RORA: variants seen among roughly 807,000 people sequenced by gnomAD.
The protein encoded by RORA is nuclear receptor ROR-alpha.
RORA carries 7 observed loss-of-function variants against 69.5 expected under a neutral mutation model. That is an observed-to-expected ratio of 0.10 (90% CI 0.06 to 0.19). The LOEUF (loss-of-function observed/expected upper bound fraction) is 0.19, where lower values mean the gene tolerates loss of function less well. Ranked by LOEUF, RORA falls within the 10% of genes least tolerant of loss-of-function variation. The probability of loss-of-function intolerance (pLI) is 1.00; values close to 1 mark genes in which losing one functional copy is unlikely to be tolerated. For missense variants in RORA, 457 were observed against 663.0 expected (o/e 0.69, Z 3.41); for synonymous variants, 261 against 240.8 (o/e 1.08, Z -0.78).
intron 1 of RORA, among the ~76,000 whole-genome samples, chr15:61,133,980 A>C (rs1596016440): frequency 1.3e-5 from 2 of 152,312 alleles, no homozygotes; most frequent in Non-Finnish European, 2.9e-5. Context: ...GTTTGTTGAA[A>C]TCACTGTCTG....
chr15:60,700,501 T>C (rs568169911), intron 1 of RORA, among the ~76,000 whole-genome samples: 1 of 152,276 alleles, frequency 6.6e-6, no homozygotes, highest in African/African-American at 2.4e-5. Context: ...CTCAAAGATA[T>C]GGGGATGAGT....
intron 1 of RORA, among the ~76,000 whole-genome samples, chr15:60,808,431 G>A (rs1359528741): frequency 6.6e-6 from 1 of 152,072 alleles, no homozygotes; most frequent in Non-Finnish European, 1.5e-5. Flanking sequence ...GTGCTGATGT[G>A]GTGAAAAGGG....
At chr15:61,055,343 C>G (rs1292680853) in intron 1 of RORA, among the ~76,000 whole-genome samples, 2 of 152,150 alleles carry the variant, frequency 1.3e-5, no homozygotes, top group African/African-American at 2.4e-5. Flanking sequence ...GCAGCAGTTC[C>G]TGGAGTAAGC....
Position 60,809,343 on chromosome 15 carries a change from T to A in RORA, c.167-130657A>T, listed in dbSNP as rs573417780. ...ATGTGCACAGTTAATCCCAATTCTG[T>A]GTTTTTCAAAATTCATTTATTTAAA... On this transcript the variant is annotated intron_variant, in intron 1 of 10. Coordinates refer to ENST00000335670, the MANE Select transcript of RORA (RefSeq NM_134261.3). Among the ~76,000 whole-genome samples, 15 of 152,292 alleles carry A rather than the reference T, an allele frequency of 9.8e-5. No individual in the cohort carries two copies. In the East Asian group the frequency reaches 2.3e-3, roughly 23 times the overall value.
At chr15:60,892,461 T>C (rs367960432) in intron 1 of RORA, among the ~76,000 whole-genome samples, 1 of 152,210 alleles carries the variant, frequency 6.6e-6, no homozygotes, top group Non-Finnish European at 1.5e-5. Flanking sequence ...CCGTGCCTTA[T>C]AATGTTTTCT....
At chr15:60,574,131 T>G (rs186210927) in intron 2 of RORA, among the ~76,000 whole-genome samples, 1 of 152,254 alleles carries the variant, frequency 6.6e-6, no homozygotes, top group African/African-American at 2.4e-5. Flanking sequence ...CAGAGCAGGG[T>G]TAGCCCAGCC....
At position 60,511,015 on chromosome 15, in the gene RORA, T is replaced by C. The variant is rs2065680100; in HGVS notation, c.820+211A>G. Among the ~76,000 whole-genome samples the C allele has an allele frequency of 6.6e-6, 1 of 152,210 alleles. No homozygotes were observed. The highest frequency in any genetic ancestry group is 1.9e-4 in the East Asian group (1 of 5,188). On this transcript the variant is annotated intron_variant, in intron 5 of 10. Coordinates refer to ENST00000335670, the MANE Select transcript of RORA (RefSeq NM_134261.3). The surrounding 1 kb of genome is among the most constrained non-coding windows in gnomAD (Gnocchi z 6.4). Reference sequence around the variant, plus strand: ...CTGCTTCCGTTGGTTTTGCCCCATTTCTAATGCTGAGAGGTCAATGCATGT... The same window carrying C: ...CTGCTTCCGTTGGTTTTGCCCCATTCCTAATGCTGAGAGGTCAATGCATGT...
intron 1 of RORA, among the ~76,000 whole-genome samples, chr15:61,202,023 T>C (rs937421849): frequency 8.5e-4 from 129 of 151,614 alleles, no homozygotes; most frequent in Non-Finnish European, 1.5e-3. Context: ...TTTTTTTTTT[T>C]TTGAGACGGA....
intron 1 of RORA, among the ~76,000 whole-genome samples, chr15:61,180,658 C>T (rs1488280609): frequency 1.3e-5 from 2 of 152,218 alleles, no homozygotes; most frequent in East Asian, 3.8e-4. Context: ...GTGCCTATGT[C>T]TATGGTAACA....
At chr15:61,099,873 C>A (rs1396712591) in intron 1 of RORA, among the ~76,000 whole-genome samples, 2 of 152,182 alleles carry the variant, frequency 1.3e-5, no homozygotes, top group Non-Finnish European at 2.9e-5. Context: ...TTGTAGGACA[C>A]TCCTGGAGTA....
Position 60,779,990 on chromosome 15 carries a change from A to C in RORA, c.167-101304T>G, listed in dbSNP as rs564637287. On this transcript the variant is annotated intron_variant, in intron 1 of 10. Transcript: ENST00000335670. ...CCAAAGCACTTGGGGGTTTTCAGCA[A>C]ATCTTTATACATCTCATGGAAGTAA... is the stretch of plus-strand genomic sequence containing the variant. Among the ~76,000 whole-genome samples the C allele has an allele frequency of 4.6e-5, 7 of 152,324 alleles. No homozygotes were observed. The East Asian group carries it at 1.3e-3, about 29-fold the overall frequency.
chr15:60,900,536 G>A (rs545688253), intron 1 of RORA, among the ~76,000 whole-genome samples: 1 of 152,188 alleles, frequency 6.6e-6, no homozygotes, highest in South Asian at 2.1e-4. Context: ...TGTGTGTTTG[G>A]GGCATATATC....
intron 1 of RORA, among the ~76,000 whole-genome samples, chr15:60,734,773 T>C (rs2071476830): frequency 1.3e-5 from 2 of 152,240 alleles, no homozygotes; most frequent in South Asian, 4.1e-4. Flanking sequence ...GGTGTAAATG[T>C]AACGGCAATC....
At chr15:61,049,560 G>A (rs1046462900) in intron 1 of RORA, among the ~76,000 whole-genome samples, 13 of 152,212 alleles carry the variant, frequency 8.5e-5, no homozygotes, top group African/African-American at 3.1e-4. Flanking sequence ...CCAGTCTGCA[G>A]GATGTTAACG....
chr15:60,936,193 G>A (rs1892518039), intron 1 of RORA, among the ~76,000 whole-genome samples: 2 of 152,206 alleles, frequency 1.3e-5, no homozygotes, highest in African/African-American at 4.8e-5. Flanking sequence ...CTATGGCCCT[G>A]GGGGAAGCCC....
At chr15:61,221,374 T>G (rs1207368792) in intron 1 of RORA, among the ~76,000 whole-genome samples, 2 of 152,158 alleles carry the variant, frequency 1.3e-5, no homozygotes, top group Non-Finnish European at 2.9e-5. Flanking sequence ...GTCCCTCATT[T>G]CCCCCTCATT....
intron 1 of RORA, among the ~76,000 whole-genome samples, chr15:60,724,948 G>C (rs1330813014): frequency 6.6e-6 from 1 of 152,114 alleles, no homozygotes; most frequent in African/African-American, 2.4e-5. Flanking sequence ...AGCTTCATCT[G>C]CCTATGTTTG....
intron 1 of RORA, among the ~76,000 whole-genome samples, chr15:60,877,335 T>G (rs948447192): frequency 1.3e-5 from 2 of 152,206 alleles, no homozygotes; most frequent in African/African-American, 4.8e-5. Context: ...AACCTTCTCA[T>G]CTACCTCTCT....
intron 1 of RORA, among the ~76,000 whole-genome samples, chr15:60,902,802 A>G (rs1389700295): frequency 6.6e-6 from 1 of 152,056 alleles, no homozygotes; most frequent in African/African-American, 2.4e-5. Context: ...GCACACAATC[A>G]GCTCTCACGA....
Sources: gnomAD v4.1 joint callset for allele counts (sites outside exome capture counted in the v4.1 genomes callset) on GRCh38, gnomAD v4.1.1 for gene constraint, Gnocchi (gnomAD v3.1) non-coding constraint, MANE v1.5 for transcripts, NCBI Gene and HGNC (gene_info 2026-07-23, HGNC 2026-07-21) for gene names.